The following CPED1 variants were observed in gnomAD, a reference collection of about 807,000 sequenced individuals.
The protein encoded by CPED1 is cadherin like and PC-esterase domain containing 1, also known as cadherin-like and PC-esterase domain-containing protein 1.
Under a neutral mutation model 128.2 loss-of-function variants are expected in CPED1, and 114 were observed. The observed-to-expected ratio is 0.89, with a 90% CI of 0.76 to 1.04. The LOEUF (loss-of-function observed/expected upper bound fraction) is 1.04. Ranked by LOEUF, CPED1 falls within the 50% of genes least tolerant of loss-of-function variation. CPED1 has a pLI of 0.00. For synonymous variants in CPED1, 462 were observed against 426.7 expected (o/e 1.08, Z -1.02); for missense variants, 1,211 against 1,207.1 (o/e 1.00, Z -0.05).
intron 17 of CPED1, among the ~76,000 whole-genome samples, chr7:121,242,132 C>T (rs893116327): frequency 1.3e-5 from 2 of 152,154 alleles, no homozygotes; most frequent in Admixed American, 6.5e-5. Context: ...AACTCTTTAC[C>T]ACACAGATAT....
chr7:121,097,125 T>C lies in CPED1; in HGVS notation c.617-574T>C, dbSNP rs554080340. The stretch of plus-strand genomic sequence containing the variant: ...AATCATGTATATGCAATAACTTTAT[T>C]TTTAAGCATGTCCATATGAGTGTTC... On this transcript the variant is annotated intron_variant, in intron 5 of 22. Coordinates refer to ENST00000310396, the MANE Select transcript of CPED1 (RefSeq NM_024913.5). Among the ~76,000 whole-genome samples the C allele has an allele frequency of 1.3e-4, 20 of 152,284 alleles. No homozygotes were observed. The East Asian group carries it at 2.7e-3, about 21-fold the overall frequency.
chr7:121,030,406 A>G (rs1350665306), intron 3 of CPED1, among the ~76,000 whole-genome samples: 1 of 152,228 alleles, frequency 6.6e-6, no homozygotes, highest in East Asian at 1.9e-4. Context: ...TCTGAAATAA[A>G]TAATTTGTAA....
chr7:121,272,863 G>C (rs890692959), intron 22 of CPED1, among the ~76,000 whole-genome samples: 5 of 152,012 alleles, frequency 3.3e-5, no homozygotes, highest in African/African-American at 7.2e-5. Context: ...TGGGAAGAGG[G>C]CCCCAAAACA....
chr7:121,116,981 C>T (rs946510195), intron 7 of CPED1, among the ~76,000 whole-genome samples: 2 of 147,370 alleles, frequency 1.4e-5, no homozygotes, highest in East Asian at 2.0e-4. Context: ...TATATATACA[C>T]ACACACACAC....
chr7:121,266,164 AAACT>A lies in CPED1; in HGVS notation c.2311-61_2311-58del. On this transcript the variant is annotated intron_variant, in intron 18 of 22. Coordinates refer to ENST00000310396, the MANE Select transcript of CPED1 (RefSeq NM_024913.5). ...TGAATATTCAAAATTTCATTATTTT[AAACT>A]ATCTCCTGTACCATGTAAACATAAG... 5.5e-6 allele frequency: 7 copies of A among 1,278,664 alleles called. No homozygotes were observed. In the East Asian group the frequency reaches 1.6e-4, roughly 30 times the overall value. 79.2% of individuals were successfully genotyped at this position (1,278,664 alleles called of 1,614,324 possible).
chr7:121,049,309 C>G (rs1793289541), intron 4 of CPED1, among the ~76,000 whole-genome samples: 1 of 152,134 alleles, frequency 6.6e-6, no homozygotes. Context: ...AGCTAGAATC[C>G]AATGAGAGCT....
intron 3 of CPED1, among the ~76,000 whole-genome samples, chr7:121,030,358 C>T (rs767683198): frequency 1.2e-4 from 19 of 152,258 alleles, no homozygotes; most frequent in Non-Finnish European, 1.9e-4. Context: ...TCCAGTTACC[C>T]GTAGTCAACT....
intron 16 of CPED1, among the ~76,000 whole-genome samples, chr7:121,207,304 C>T (rs1005309694): frequency 1.8e-4 from 28 of 151,994 alleles, no homozygotes; most frequent in African/African-American, 6.0e-4. Flanking sequence ...GAATTTTAAA[C>T]TTTAATATGC....
At chr7:121,114,071 C>G (rs1795176801) in intron 7 of CPED1, among the ~76,000 whole-genome samples, 1 of 152,140 alleles carries the variant, frequency 6.6e-6, no homozygotes, top group South Asian at 2.1e-4. Flanking sequence ...ACCTCGTGAT[C>G]CACCTGCCTC....
intron 18 of CPED1, among the ~76,000 whole-genome samples, chr7:121,262,698 A>T (rs1792045491): frequency 6.6e-6 from 1 of 152,124 alleles, no homozygotes; most frequent in South Asian, 2.1e-4. Context: ...TTTAAAACAG[A>T]AGTTCTTCCT....
At chr7:121,178,250 C>T (rs777992125) in intron 16 of CPED1, among the ~76,000 whole-genome samples, 2 of 152,076 alleles carry the variant, frequency 1.3e-5, no homozygotes, top group Admixed American at 6.6e-5. Context: ...AATGAAAAAG[C>T]ATCTAAAAGT....
chr7:121,229,753 C>T (rs779827566), intron 16 of CPED1, among the ~76,000 whole-genome samples: 6 of 151,998 alleles, frequency 3.9e-5, no homozygotes, highest in Non-Finnish European at 7.4e-5. Flanking sequence ...ATACTAAGTA[C>T]ATCTTTCAAT....
chr7:121,228,697 A>G (rs1434757714), intron 16 of CPED1, among the ~76,000 whole-genome samples: 1 of 152,034 alleles, frequency 6.6e-6, no homozygotes, highest in African/African-American at 2.4e-5. Flanking sequence ...CTGCACTCAT[A>G]TGTTGCAGCA....
At chr7:121,204,341 T>C (rs1797470571) in intron 16 of CPED1, among the ~76,000 whole-genome samples, 1 of 152,058 alleles carries the variant, frequency 6.6e-6, no homozygotes, top group Admixed American at 6.6e-5. Flanking sequence ...GGGATAGGGA[T>C]ACTGAAGGAA....
At chr7:121,142,802 C>A (rs1003044905) in intron 16 of CPED1, among the ~76,000 whole-genome samples, 1 of 151,960 alleles carries the variant, frequency 6.6e-6, no homozygotes, top group African/African-American at 2.4e-5. Context: ...ATATCATATA[C>A]CCCTTGCTAC....
chr7:121,004,114 G>A (rs1379940012), intron 2 of CPED1, among the ~76,000 whole-genome samples: 1 of 152,136 alleles, frequency 6.6e-6, no homozygotes, highest in Non-Finnish European at 1.5e-5. Flanking sequence ...CTGCCCTGGA[G>A]ATGCAGAGCC....
intron 5 of CPED1, among the ~76,000 whole-genome samples, chr7:121,075,565 T>C (rs10271436): frequency 0.46 from 70,086 of 151,868 alleles, 16,459 homozygotes; most frequent in East Asian, 0.61. Flanking sequence ...CAGGTTCAAG[T>C]AGTTCTCCTG....
intron 20 of CPED1, 57 bp downstream of exon 20, chr7:121,266,865 G>A (rs1792137516): frequency 8.3e-7 from 1 of 1,208,890 alleles, no homozygotes; most frequent in Non-Finnish European, 1.2e-6. Context: ...AGTTACTATG[G>A]ATGTGACTGA....
chr7:121,166,855 G>A (rs971213805), intron 16 of CPED1, among the ~76,000 whole-genome samples: 1 of 152,098 alleles, frequency 6.6e-6, no homozygotes, highest in African/African-American at 2.4e-5. Flanking sequence ...GTGAAAATCA[G>A]CAACAACTGT....
Sources: allele counts gnomAD v4.1 joint callset (sites outside exome capture counted in the v4.1 genomes callset), GRCh38; gene constraint gnomAD v4.1.1; transcripts MANE v1.5; gene names NCBI Gene and HGNC (gene_info 2026-07-23, HGNC 2026-07-21).